CDC42: variants seen among roughly 807,000 people sequenced by gnomAD.
CDC42 encodes the protein cell division control protein 42 homolog.
CDC42 carries 1 observed loss-of-function variant against 20.8 expected under a neutral mutation model. The ratio of observed to expected loss-of-function variants is 0.05; its 90% CI spans 0.02 to 0.23. CDC42 has a LOEUF of 0.23. Among genes scored for constraint, CDC42 ranks in the 10% least tolerant of loss-of-function variants. CDC42 has a pLI of 1.00. For missense variants in CDC42, 49 were observed against 227.9 expected (o/e 0.21, Z 5.05); for synonymous variants, 72 against 84.8 (o/e 0.85, Z 0.83).
intron 2 of CDC42, chr1:22,078,926 TC>T: frequency 8.9e-7 from 1 of 1,124,434 alleles, no homozygotes; most frequent in Non-Finnish European, 1.1e-6. Context: ...CAATTATTGA[TC>T]AGTACTTGGA....
rs1400048456 is a variant in CDC42 at position 22,070,208 on chromosome 1, A to G, written c.-50-8221A>G. Among the ~76,000 whole-genome samples the G allele has an allele frequency of 3.9e-5, 6 of 152,198 alleles. No homozygotes were observed. The East Asian group carries it at 1.2e-3, about 29-fold the overall frequency. ...CAGAAATAAATAGTAACTTCTCTTA[A>G]AAGCAAAATTTATTCAAAGACCTTT... On this transcript the variant is annotated intron_variant, in intron 1 of 5. Transcript: ENST00000656825.
In CDC42 at chr1:22,097,743, T is replaced by C. The variant is rs1436929378; in HGVS notation, c.*6226T>C. Among the ~76,000 whole-genome samples, 1 of 152,252 alleles carries C rather than the reference T, an allele frequency of 6.6e-6. No homozygotes were observed. Among genetic ancestry groups the C allele is most frequent in the Non-Finnish European group, 1.5e-5 (1 of 68,042 alleles). ...CTTAGAGGCATATCCAGTGAGTCTT[T>C]AAAGCCCTACGTTATAGAAAAATGT... On this transcript the variant is annotated 3_prime_UTR_variant, in exon 6 of 6. Coordinates refer to ENST00000656825, the MANE Select transcript of CDC42 (RefSeq NM_001791.4).
chr1:22,054,847 A>G (rs1645277696), intron 1 of CDC42, among the ~76,000 whole-genome samples: 2 of 141,164 alleles, frequency 1.4e-5, no homozygotes, highest in Non-Finnish European at 3.0e-5. Context: ...AATAATATCA[A>G]TTTGTATCTT....
chr1:22,093,843 T>C lies in CDC42; in HGVS notation c.*2326T>C, dbSNP rs892118594. On this transcript the variant is annotated 3_prime_UTR_variant, in exon 6 of 6. Transcript: ENST00000656825. ...CTTGACTATTGCTATATCTTTGTCC[T>C]AAAGCAATGCTTGACATGATATGGC... is the stretch of plus-strand genomic sequence containing the variant. 3.9e-5 allele frequency among the ~76,000 whole-genome samples: 6 copies of C among 152,230 alleles called. No homozygotes were observed. The highest frequency in any genetic ancestry group is 8.8e-5 in the Non-Finnish European group (6 of 68,042).
At chr1:22,059,960 G>A (rs1645345367) in intron 1 of CDC42, among the ~76,000 whole-genome samples, 1 of 152,166 alleles carries the variant, frequency 6.6e-6, no homozygotes, top group Admixed American at 6.5e-5. Flanking sequence ...GGGGATCAGT[G>A]TCTCAGGAAC....
chr1:22,069,877 C>G (rs2152828791), intron 1 of CDC42, among the ~76,000 whole-genome samples: 1 of 152,034 alleles, frequency 6.6e-6, no homozygotes, highest in Non-Finnish European at 1.5e-5. Context: ...TACTTGCAAC[C>G]TCCGTCTCCT....
At chr1:22,063,611 C>T (rs10158376) in intron 1 of CDC42, among the ~76,000 whole-genome samples, 2,465 of 152,284 alleles carry the variant, frequency 0.016, 75 homozygotes, top group African/African-American at 0.056. Context: ...TGCACACATA[C>T]CAGCACAACT....
rs1557910875 is a variant in CDC42, at chr1:22,094,300, T to TAAAGCGATG, written c.*2783_*2784insAAAGCGATG. On this transcript the variant is annotated 3_prime_UTR_variant, in exon 6 of 6. Coordinates refer to ENST00000656825, the MANE Select transcript of CDC42 (RefSeq NM_001791.4). Reference sequence around the variant, plus strand: ...CTGAACATCCTAGAAATAGATTTTTTTTTTTTTTTTTTTTTGAGACGGAGT... The same window carrying TAAAGCGATG: ...CTGAACATCCTAGAAATAGATTTTTTAAAGCGATGTTTTTTTTTTTTTTTGAGACGGAGT... Among the ~76,000 whole-genome samples the TAAAGCGATG allele has an allele frequency of 2.4e-3, 107 of 43,692 alleles. 13 individuals carry two copies. Among genetic ancestry groups the TAAAGCGATG allele is most frequent in the African/African-American group, 9.4e-3 (99 of 10,524 alleles). The allele number at this position is 43,692 out of a possible 152,430, so 28.7% of individuals were successfully genotyped here.
intron 1 of CDC42, among the ~76,000 whole-genome samples, chr1:22,076,231 A>T (rs1645547992): frequency 6.6e-6 from 1 of 152,040 alleles, no homozygotes; most frequent in African/African-American, 2.4e-5. Context: ...GGGCCCAGGC[A>T]GTTGGATTAC....
intron 1 of CDC42, among the ~76,000 whole-genome samples, chr1:22,067,777 C>G (rs1322245292): frequency 3.3e-5 from 5 of 152,326 alleles, no homozygotes; most frequent in Non-Finnish European, 7.3e-5. Context: ...CACCTCCCAG[C>G]AGTCTCACCT....
chr1:22,081,835 A>G, intron 3 of CDC42, 41 bp downstream of exon 3: 1 of 1,253,456 alleles, frequency 8.0e-7, no homozygotes. Context: ...GATCTTTAAC[A>G]GTTGCTAGTT....
chr1:22,091,419 C>G lies in CDC42; in HGVS notation c.487-9C>G, dbSNP rs1347066485. 1.9e-6 allele frequency: 3 copies of G among 1,591,656 alleles called. No individual in the cohort carries two copies. In the African/African-American group the frequency reaches 4.1e-5, roughly 22 times the overall value. Reference sequence around the variant, plus strand: ...AGACCGCCCATTTTTTCTTTCTACCCCTTTTCAGAAAGGCCTAAAGAATGT... The same window carrying G: ...AGACCGCCCATTTTTTCTTTCTACCGCTTTTCAGAAAGGCCTAAAGAATGT... On this transcript the variant is annotated splice_polypyrimidine_tract_variant and intron_variant, in intron 5 of 5. Transcript: ENST00000656825.
intron 1 of CDC42, among the ~76,000 whole-genome samples, chr1:22,063,316 A>C (rs535810459): frequency 1.3e-5 from 2 of 152,226 alleles, no homozygotes; most frequent in African/African-American, 4.8e-5. Context: ...CCAGTAAAGT[A>C]TACTAGATGA....
intron 5 of CDC42, chr1:22,090,857 T>C (rs1645708995): frequency 1.0e-6 from 1 of 958,974 alleles, no homozygotes; most frequent in Non-Finnish European, 1.2e-6. Flanking sequence ...TAATTTTACG[T>C]ATGTATCAGG....
intron 1 of CDC42, among the ~76,000 whole-genome samples, chr1:22,057,730 T>C (rs1569952752): frequency 2.6e-5 from 4 of 151,570 alleles, no homozygotes; most frequent in African/African-American, 9.7e-5. Context: ...CTTTTTTTTT[T>C]CTTTTTTTTT....
chr1:22,057,745 A>G (rs1305135407), intron 1 of CDC42, among the ~76,000 whole-genome samples: 2 of 142,752 alleles, frequency 1.4e-5, no homozygotes, highest in South Asian at 2.2e-4. Context: ...TTTTTTTGAG[A>G]CAGAGTCTCG....
intron 1 of CDC42, chr1:22,053,289 G>C (rs909301687): frequency 2.0e-4 from 31 of 151,626 alleles, no homozygotes; most frequent in Admixed American, 1.5e-3. Context: ...GGGGAGTGGC[G>C]TTGCGGCCGC....
intron 1 of CDC42, among the ~76,000 whole-genome samples, chr1:22,055,521 A>C (rs1219517781): frequency 2.7e-4 from 38 of 140,682 alleles, no homozygotes; most frequent in Non-Finnish European, 1.4e-4. Context: ...ACAGGGTCTT[A>C]CTCTGTCGCC....
rs919255102 is a variant in CDC42, at chr1:22,098,715, G to T, written c.*7198G>T. Among the ~76,000 whole-genome samples the T allele has an allele frequency of 6.6e-6, 1 of 151,082 alleles. No individual in the cohort carries two copies. ...ATTTCTTAAGGTTTTATTTGTGTCAGACATGAATTTTAGAGTATTTCTGGG... is the reference window on the plus strand; with the variant it reads ...ATTTCTTAAGGTTTTATTTGTGTCATACATGAATTTTAGAGTATTTCTGGG... On this transcript the variant is annotated 3_prime_UTR_variant, in exon 6 of 6. Transcript: ENST00000656825.
Sources: allele counts gnomAD v4.1 joint callset (sites outside exome capture counted in the v4.1 genomes callset), GRCh38; gene constraint gnomAD v4.1.1; transcripts MANE v1.5; gene names NCBI Gene and HGNC (gene_info 2026-07-23, HGNC 2026-07-21).